The following ERGIC1 variants were observed in gnomAD, a reference collection of about 807,000 sequenced individuals.
The protein encoded by ERGIC1 is endoplasmic reticulum-Golgi intermediate compartment protein 1.
Under a neutral mutation model 38.3 loss-of-function variants are expected in ERGIC1, and 19 were observed. That is an observed-to-expected ratio of 0.50 (90% confidence interval 0.35 to 0.73). The LOEUF (loss-of-function observed/expected upper bound fraction) is 0.73. Among genes scored for constraint, ERGIC1 ranks in the 30% least tolerant of loss-of-function variants. The pLI is 0.01. For missense variants in ERGIC1, 294 were observed against 389.2 expected (o/e 0.76, Z 2.06); for synonymous variants, 124 against 157.6 (o/e 0.79, Z 1.60).
chr5:172,934,996 C>G (rs1763855915), intron 8 of ERGIC1, 192 bp from the exon 9 acceptor site: 2 of 715,086 alleles, frequency 2.8e-6, no homozygotes, highest in Admixed American at 5.1e-5. Flanking sequence ...TCAAAAATGC[C>G]CAGCTGTGCA....
intron 5 of ERGIC1, among the ~76,000 whole-genome samples, chr5:172,920,988 C>T (rs77135672): frequency 0.022 from 3,308 of 152,302 alleles, 47 homozygotes; most frequent in Middle Eastern, 0.044. Flanking sequence ...CCACAGTGGG[C>T]TTTTCCTCAC....
At chr5:172,946,788 A>G (rs149234057) in intron 9 of ERGIC1, among the ~76,000 whole-genome samples, 1 of 152,216 alleles carries the variant, frequency 6.6e-6, no homozygotes, top group East Asian at 1.9e-4. Context: ...ACTGACTGCC[A>G]GTGTGTCAGG....
At chr5:172,923,770 G>C (rs1334798078) in intron 5 of ERGIC1, among the ~76,000 whole-genome samples, 2 of 152,208 alleles carry the variant, frequency 1.3e-5, no homozygotes, top group African/African-American at 4.8e-5. Flanking sequence ...CCTCTCACCA[G>C]ATAGTCCTGG....
At position 172,909,728 on chromosome 5, in the gene ERGIC1, C is replaced by G. The variant is rs1763160309; in HGVS notation, c.217C>G (p.Leu73Val). The G allele has an allele frequency of 6.8e-6, 11 of 1,614,112 alleles. No individual in the cohort carries two copies. Among genetic ancestry groups the G allele is most frequent in the Non-Finnish European group, 9.3e-6 (11 of 1,180,042 alleles). Residue 73 changes from leucine (L) to valine (V), a missense_variant, in exon 4 of 10, where the codon CTG becomes GTG. By Grantham distance (32) the Leu-to-Val change is conservative (BLOSUM62 1). Transcript: ENST00000393784. ...KDSGGKIDVS[L>V]NISLPNLHCE... ...CAGCGGTGGCAAGATCGACGTCAGT[C>G]TGAACATCAGTTTACCCAATCTGCA... is the stretch of plus-strand genomic sequence containing the variant.
intron 4 of ERGIC1, 30 bp downstream of exon 4, chr5:172,909,791 G>T: frequency 6.3e-7 from 1 of 1,587,894 alleles, no homozygotes; most frequent in South Asian, 1.1e-5. Context: ...CCTCCCTCCA[G>T]CAGGACACCT....
intron 1 of ERGIC1, among the ~76,000 whole-genome samples, chr5:172,848,304 T>A (rs759042679): frequency 3.9e-5 from 6 of 152,168 alleles, no homozygotes; most frequent in Non-Finnish European, 7.4e-5. Flanking sequence ...AGGGAACAAA[T>A]CATTGCACAA....
intron 1 of ERGIC1, among the ~76,000 whole-genome samples, chr5:172,839,381 AG>A (rs1326475928): frequency 2.8e-3 from 106 of 38,306 alleles, no homozygotes; most frequent in African/African-American, 0.019. Flanking sequence ...CAACATAGCA[AG>A]ACCCCAGACC....
At chr5:172,908,303 GGGC>G (rs1581563268) in intron 3 of ERGIC1, among the ~76,000 whole-genome samples, 1 of 14,198 alleles carries the variant, frequency 7.0e-5, no homozygotes, top group Non-Finnish European at 1.7e-4. Flanking sequence ...GCTGAGGCGG[GGGC>G]GGGGGGGGGG....
At chr5:172,891,521 T>C (rs1581546227) in intron 2 of ERGIC1, among the ~76,000 whole-genome samples, 1 of 151,454 alleles carries the variant, frequency 6.6e-6, no homozygotes, top group African/African-American at 2.4e-5. Flanking sequence ...TCACTGCAAC[T>C]TCTGCCTCCC....
intron 1 of ERGIC1, chr5:172,867,116 G>A (rs1176059482): frequency 6.7e-6 from 3 of 447,878 alleles, no homozygotes; most frequent in South Asian, 1.6e-5. Context: ...TTCAGGCTGT[G>A]GGGGCTCTGC....
chr5:172,920,273 G>T (rs1188747168), intron 5 of ERGIC1: 2 of 715,514 alleles, frequency 2.8e-6, no homozygotes, highest in Non-Finnish European at 5.2e-6. Context: ...GGGTCCATGT[G>T]CTGTGATGGC....
intron 3 of ERGIC1, among the ~76,000 whole-genome samples, chr5:172,897,316 C>G (rs1762745826): frequency 6.6e-6 from 1 of 151,856 alleles, no homozygotes; most frequent in African/African-American, 2.4e-5. Flanking sequence ...ATAATCCCAG[C>G]TACTGGGGAG....
At chr5:172,948,948 GGAGGCT>G (rs745747364) in intron 9 of ERGIC1, among the ~76,000 whole-genome samples, 5 of 152,074 alleles carry the variant, frequency 3.3e-5, no homozygotes, top group Non-Finnish European at 7.4e-5. Context: ...TGGCTACCCC[GGAGGCT>G]GAGGCAGGAG....
intron 9 of ERGIC1, chr5:172,937,134 C>T (rs914397308): frequency 5.3e-5 from 8 of 152,110 alleles, no homozygotes; most frequent in African/African-American, 1.4e-4. Context: ...GTTCAACAAA[C>T]GGCACATAAC....
Position 172,834,661 on chromosome 5 carries a change from C to T in ERGIC1, c.20+228C>T, listed in dbSNP as rs1291010518. The stretch of plus-strand genomic sequence containing the variant: ...CGGGAGACAAATCCACCCACCTTCC[C>T]TCCGCCGAGCCCCCTCCCCAGCCTG... On this transcript the variant is annotated intron_variant, in intron 1 of 9. Transcript: ENST00000393784. The surrounding 1 kb of genome is among the most constrained non-coding windows in gnomAD (Gnocchi z 4.1). 1.3e-5 allele frequency among the ~76,000 whole-genome samples: 2 copies of T among 151,508 alleles called. No individual in the cohort carries two copies. Among genetic ancestry groups the T allele is most frequent in the African/African-American group, 4.9e-5 (2 of 41,226 alleles).
At chr5:172,848,207 T>C (rs915343557) in intron 1 of ERGIC1, among the ~76,000 whole-genome samples, 3 of 152,158 alleles carry the variant, frequency 2.0e-5, no homozygotes, top group South Asian at 2.1e-4. Flanking sequence ...CAAAAATTTA[T>C]TGGAGGGATT....
intron 4 of ERGIC1, among the ~76,000 whole-genome samples, chr5:172,910,450 A>T (rs947662287): frequency 1.3e-5 from 2 of 152,068 alleles, no homozygotes; most frequent in Non-Finnish European, 2.9e-5. Flanking sequence ...CATCTGCAAC[A>T]GTGAAGGGCT....
At chr5:172,909,809 G>T in intron 4 of ERGIC1, 48 bp downstream of exon 4, 2 of 1,507,614 alleles carry the variant, frequency 1.3e-6, no homozygotes, top group Non-Finnish European at 1.8e-6. Flanking sequence ...CCTCCTTAGG[G>T]CAAATGTGTG....
At chr5:172,928,370 T>A (rs535435116) in intron 7 of ERGIC1, among the ~76,000 whole-genome samples, 42 of 152,344 alleles carry the variant, frequency 2.8e-4, no homozygotes, top group Non-Finnish European at 5.6e-4. Flanking sequence ...TCCCTGGCAC[T>A]GGGCCGTTGC....
Sources: gnomAD v4.1 joint callset for allele counts (sites outside exome capture counted in the v4.1 genomes callset) on GRCh38, gnomAD v4.1.1 for gene constraint, Gnocchi (gnomAD v3.1) non-coding constraint, MANE v1.5 for transcripts, NCBI Gene and HGNC (gene_info 2026-07-23, HGNC 2026-07-21) for gene names.